The following SLC41A2 variants were observed in gnomAD, a reference collection of about 807,000 sequenced individuals.
SLC41A2 encodes the protein solute carrier family 41 member 2.
SLC41A2 carries 32 observed loss-of-function variants against 58.3 expected under a neutral mutation model. That is an observed-to-expected ratio of 0.55 (90% confidence interval 0.41 to 0.74). SLC41A2 has a LOEUF of 0.74. Among genes scored for constraint, SLC41A2 ranks in the 30% least tolerant of loss-of-function variants. The probability of loss-of-function intolerance (pLI) is 0.00; values close to 1 mark genes in which losing one functional copy is unlikely to be tolerated. For synonymous variants in SLC41A2, 190 were observed against 235.0 expected (o/e 0.81, Z 1.75); for missense variants, 514 against 680.6 (o/e 0.76, Z 2.72).
intron 1 of SLC41A2, among the ~76,000 whole-genome samples, chr12:104,953,196 A>G (rs984073285): frequency 5.3e-5 from 8 of 152,254 alleles, no homozygotes; most frequent in East Asian, 1.9e-4. Flanking sequence ...CAATAAAATA[A>G]TCACTCAAAA....
chr12:104,851,709 A>C (rs1035278360), intron 8 of SLC41A2: 20 of 152,086 alleles, frequency 1.3e-4, no homozygotes, highest in African/African-American at 4.8e-4. Flanking sequence ...TTAAACAATC[A>C]ATTAAACTGC....
intron 10 of SLC41A2, among the ~76,000 whole-genome samples, chr12:104,813,925 C>T (rs190078757): frequency 1.7e-4 from 26 of 151,210 alleles, no homozygotes; most frequent in African/African-American, 4.7e-4. Context: ...CTTGAGCCTC[C>T]GCACCCAGTC....
intron 10 of SLC41A2, among the ~76,000 whole-genome samples, chr12:104,822,691 A>G (rs2041684131): frequency 6.6e-6 from 1 of 152,200 alleles, no homozygotes; most frequent in African/African-American, 2.4e-5. Flanking sequence ...CTATTTCTTA[A>G]GTAGGGGACA....
chr12:104,920,179 T>C (rs2046526403), intron 2 of SLC41A2, among the ~76,000 whole-genome samples: 1 of 152,232 alleles, frequency 6.6e-6, no homozygotes, highest in South Asian at 2.1e-4. Context: ...GATCTCTGTG[T>C]CTATCCATCC....
rs1043933620 is a variant in SLC41A2 at position 104,861,462 on chromosome 12, T to C, written c.1176-92A>G. 6.1e-6 allele frequency: 4 copies of C among 652,146 alleles called. No individual in the cohort carries two copies. The Admixed American group carries it at 9.7e-5, about 16-fold the overall frequency. 40.4% of individuals were successfully genotyped at this position (652,146 alleles called of 1,614,324 possible). On this transcript the variant is annotated intron_variant, in intron 7 of 10. Coordinates refer to ENST00000258538, the MANE Select transcript of SLC41A2 (RefSeq NM_001352171.3). ...ATACAGACACCCCTCCTTTTTAAAA[T>C]AAAATATTCACACATTTTAAAAATA...
intron 10 of SLC41A2, chr12:104,834,060 G>T: frequency 1.0e-6 from 1 of 985,322 alleles, no homozygotes. Context: ...GGCTTTACAA[G>T]ACCGAAAAGA....
intron 10 of SLC41A2, among the ~76,000 whole-genome samples, chr12:104,818,661 G>A (rs1042392391): frequency 2.6e-5 from 4 of 152,056 alleles, no homozygotes; most frequent in East Asian, 1.9e-4. Flanking sequence ...GGCAGATCAC[G>A]AGGTCAGGAG....
intron 1 of SLC41A2, among the ~76,000 whole-genome samples, chr12:104,941,671 C>A (rs990905601): frequency 1.3e-5 from 2 of 152,158 alleles, no homozygotes. Flanking sequence ...ATTGCATAAA[C>A]AGAGTACAGT....
chr12:104,881,408 T>C (rs146830109), intron 6 of SLC41A2, among the ~76,000 whole-genome samples: 2,218 of 152,330 alleles, frequency 0.015, 69 homozygotes, highest in African/African-American at 0.05. Flanking sequence ...ATTGTGATGT[T>C]AGGATGTCAA....
intron 6 of SLC41A2, among the ~76,000 whole-genome samples, chr12:104,873,327 T>C (rs1043275790): frequency 6.6e-6 from 1 of 152,256 alleles, no homozygotes; most frequent in African/African-American, 2.4e-5. Flanking sequence ...ATATAATGTC[T>C]TCCAGGTTCA....
At chr12:104,926,467 G>A (rs1394002407) in intron 2 of SLC41A2, among the ~76,000 whole-genome samples, 1 of 151,662 alleles carries the variant, frequency 6.6e-6, no homozygotes, top group Admixed American at 6.6e-5. Context: ...GTGAGCCTGT[G>A]GTCCCAGCTA....
At chr12:104,854,570 C>CAAAA (rs368169411) in intron 8 of SLC41A2, among the ~76,000 whole-genome samples, 1 of 140,892 alleles carries the variant, frequency 7.1e-6, no homozygotes, top group Non-Finnish European at 1.5e-5. Context: ...CTCAAAAAAA[C>CAAAA]AAAAAAAAAA....
chr12:104,815,909 A>C (rs1352271260), intron 10 of SLC41A2, among the ~76,000 whole-genome samples: 1 of 152,172 alleles, frequency 6.6e-6, no homozygotes, highest in Non-Finnish European at 1.5e-5. Flanking sequence ...GTTGGGTGGC[A>C]GGTGGGGGAA....
intron 2 of SLC41A2, among the ~76,000 whole-genome samples, chr12:104,912,644 T>C (rs2046135204): frequency 6.6e-6 from 1 of 152,166 alleles, no homozygotes; most frequent in South Asian, 2.1e-4. Context: ...TAGAGTTAAG[T>C]GTTTGCCTGA....
chr12:104,810,026 TCA>T (rs1460413628), intron 10 of SLC41A2, among the ~76,000 whole-genome samples: 4 of 152,186 alleles, frequency 2.6e-5, no homozygotes, highest in Admixed American at 2.6e-4. Flanking sequence ...TGAGACAGTG[TCA>T]TATAGGAGAT....
At chr12:104,875,135 T>C (rs1026109908) in intron 6 of SLC41A2, among the ~76,000 whole-genome samples, 1 of 152,252 alleles carries the variant, frequency 6.6e-6, no homozygotes, top group Non-Finnish European at 1.5e-5. Flanking sequence ...TAAACCATAC[T>C]TGCATCCCTG....
At chr12:104,919,402 GGTTT>G (rs1389283042) in intron 2 of SLC41A2, among the ~76,000 whole-genome samples, 1 of 152,124 alleles carries the variant, frequency 6.6e-6, no homozygotes, top group Admixed American at 6.5e-5. Context: ...TAATATTTAG[GGTTT>G]GTTTTTTTAC....
chr12:104,894,010 T>G (rs77349861), intron 4 of SLC41A2, among the ~76,000 whole-genome samples: 8,099 of 152,220 alleles, frequency 0.053, 294 homozygotes, highest in East Asian at 0.11. Context: ...ATAATTGGAT[T>G]GTTGTAACAC....
chr12:104,877,444 T>C (rs1593051375), intron 6 of SLC41A2, among the ~76,000 whole-genome samples: 1 of 151,872 alleles, frequency 6.6e-6, no homozygotes, highest in East Asian at 1.9e-4. Context: ...TAAAAGACTA[T>C]TTTAGTTAAT....
Sources: allele counts gnomAD v4.1 joint callset (sites outside exome capture counted in the v4.1 genomes callset), GRCh38; gene constraint gnomAD v4.1.1; transcripts MANE v1.5; gene names NCBI Gene and HGNC (gene_info 2026-07-23, HGNC 2026-07-21).